The following TOX2 variants were observed in gnomAD, a reference collection of about 807,000 sequenced individuals.
TOX2 encodes the protein granulosa cell HMG box 1.
Under a neutral mutation model 47.4 loss-of-function variants are expected in TOX2, and 15 were observed. The observed-to-expected ratio is 0.32, with a 90% CI of 0.21 to 0.49. The LOEUF is 0.49. Among genes scored for constraint, TOX2 ranks in the 20% least tolerant of loss-of-function variants. TOX2 has a pLI of 0.99. For missense variants in TOX2, 622 were observed against 673.1 expected (o/e 0.92, Z 0.84); for synonymous variants, 290 against 296.6 (o/e 0.98, Z 0.23).
intron 3 of TOX2, chr20:44,007,305 A>C (rs559453737): frequency 3.8e-5 from 6 of 158,600 alleles, no homozygotes; most frequent in Non-Finnish European, 8.4e-5. Flanking sequence ...AAATGGGAGG[A>C]TCGCTTGAGC....
At position 44,066,083 on chromosome 20, in the gene TOX2, G is replaced by A. The variant is rs1238068624; in HGVS notation, c.1332G>A (p.Met444Ile). 12 of 1,564,174 alleles carry A rather than the reference G, an allele frequency of 7.7e-6. No individual in the cohort carries two copies. Among genetic ancestry groups the A allele is most frequent in the Non-Finnish European group, 1.0e-5 (12 of 1,155,248 alleles). The stretch of plus-strand genomic sequence containing the variant: ...TGGCACTCCAGGTGCAGCTGGCGAT[G>A]AGCCCCTCACCTCCAGGGCCACAGG... ...TPMALQVQLA[M>I]SPSPPGPQDF... The change falls in exon 7 of 9, where the codon ATG becomes ATA. Residue 444 changes from methionine (M) to isoleucine (I), a missense_variant. Around this residue, in one of 3 missense-constraint regions of TOX2, gnomAD observed 294 missense variants for 300.0 expected, o/e 0.98. Coordinates refer to ENST00000341197, the MANE Select transcript of TOX2 (RefSeq NM_001098797.2).
At chr20:43,989,850 T>C (rs1274596067) in intron 2 of TOX2, among the ~76,000 whole-genome samples, 1 of 151,816 alleles carries the variant, frequency 6.6e-6, no homozygotes, top group Non-Finnish European at 1.5e-5. Context: ...AGGAATCAAG[T>C]GTGGCTTCAT....
intron 3 of TOX2, 63 bp downstream of exon 3, chr20:44,006,855 G>A (rs1600729726): frequency 2.6e-6 from 4 of 1,550,812 alleles, no homozygotes; most frequent in Non-Finnish European, 3.5e-6. Flanking sequence ...TGAGAGGGAA[G>A]CAGAAGAATG....
rs1482888734 is a variant in TOX2 at position 43,916,484 on chromosome 20, C to T, written c.99+1494C>T. ...CGGTGGTGGGCGACAAGTGAGGTCT[C>T]GCGAAGAGTGGCGGTGGTTCTCTTT... is the stretch of plus-strand genomic sequence containing the variant. On this transcript the variant is annotated intron_variant, in intron 1 of 8. Transcript: ENST00000341197. The surrounding 1 kb of genome is among the most constrained non-coding windows in gnomAD (Gnocchi z 5.0). Among the ~76,000 whole-genome samples, 1 of 152,192 alleles carries T rather than the reference C, an allele frequency of 6.6e-6. No individual in the cohort carries two copies. The highest frequency in any genetic ancestry group is 2.4e-5 in the African/African-American group (1 of 41,448).
intron 5 of TOX2, among the ~76,000 whole-genome samples, chr20:44,057,736 A>G (rs188901560): frequency 1.0e-3 from 159 of 152,328 alleles, no homozygotes; most frequent in African/African-American, 3.4e-3. Context: ...CATTTATTCA[A>G]CTTATGATTC....
intron 1 of TOX2, among the ~76,000 whole-genome samples, chr20:43,949,751 C>T (rs904113631): frequency 6.6e-6 from 1 of 152,188 alleles, no homozygotes; most frequent in African/African-American, 2.4e-5. Context: ...TTGCCCCCAC[C>T]GTCTAGCCGC....
At chr20:44,016,515 G>A (rs575648001) in intron 3 of TOX2, among the ~76,000 whole-genome samples, 2 of 152,276 alleles carry the variant, frequency 1.3e-5, no homozygotes. Context: ...TGGGTGGGAT[G>A]ATTCTCTGTT....
intron 2 of TOX2, among the ~76,000 whole-genome samples, chr20:43,981,514 CTGTG>C (rs146430700): frequency 2.0e-5 from 3 of 151,986 alleles, no homozygotes; most frequent in African/African-American, 4.8e-5. Context: ...GCATGTACCT[CTGTG>C]TGTGTGTGCG....
At chr20:44,027,323 C>A in intron 3 of TOX2, among the ~76,000 whole-genome samples, 1 of 152,302 alleles carries the variant, frequency 6.6e-6, no homozygotes, top group East Asian at 1.9e-4. Context: ...GTCACCCTCC[C>A]CTCCTTCTTA....
At chr20:43,981,599 G>A (rs868864980) in intron 2 of TOX2, among the ~76,000 whole-genome samples, 1 of 152,246 alleles carries the variant, frequency 6.6e-6, no homozygotes, top group African/African-American at 2.4e-5. Context: ...TTATGTTTAG[G>A]GAGTTTTAAA....
At chr20:43,958,533 C>T (rs915607105) in intron 1 of TOX2, among the ~76,000 whole-genome samples, 3 of 152,344 alleles carry the variant, frequency 2.0e-5, no homozygotes, top group Admixed American at 1.3e-4. Context: ...TTTATCACCC[C>T]CCTCCAGGTG....
rs1491106040 is a variant in TOX2 at position 44,048,387 on chromosome 20, T to TA, written c.412-2919_412-2918insA. The stretch of plus-strand genomic sequence containing the variant: ...CATGTTAGTATCTGGATAAAATGAA[T>TA]TTATATATATATATATATATATATA... On this transcript the variant is annotated intron_variant, in intron 3 of 8. Transcript: ENST00000341197. 2.0e-3 allele frequency among the ~76,000 whole-genome samples: 197 copies of TA among 96,630 alleles called. 2 individuals carry two copies. The highest frequency in any genetic ancestry group is 7.4e-3 in the African/African-American group (174 of 23,390). 63.4% of individuals were successfully genotyped at this position (96,630 alleles called of 152,430 possible).
chr20:43,985,880 T>A (rs576441637), intron 2 of TOX2, among the ~76,000 whole-genome samples: 1 of 151,246 alleles, frequency 6.6e-6, no homozygotes, highest in African/African-American at 2.4e-5. Context: ...TTAAGAGGAG[T>A]GTGTGTCCAG....
chr20:44,039,137 C>A, intron 3 of TOX2: 1 of 1,255,732 alleles, frequency 8.0e-7, no homozygotes, highest in Non-Finnish European at 1.0e-6. Context: ...CGGGAGGCAA[C>A]GTGTGGAGAG....
intron 1 of TOX2, among the ~76,000 whole-genome samples, chr20:43,950,365 A>C (rs1000931549): frequency 2.0e-5 from 3 of 152,084 alleles, no homozygotes; most frequent in Non-Finnish European, 4.4e-5. Context: ...TGGCTCCCCA[A>C]CCACAGCATC....
At chr20:44,001,752 A>C (rs2070586941) in intron 2 of TOX2, among the ~76,000 whole-genome samples, 1 of 152,104 alleles carries the variant, frequency 6.6e-6, no homozygotes, top group Admixed American at 6.5e-5. Flanking sequence ...GTGTCGGTCA[A>C]AACACATGAA....
chr20:44,003,183 CTTT>C (rs376872679), intron 2 of TOX2, among the ~76,000 whole-genome samples: 8 of 133,118 alleles, frequency 6.0e-5, no homozygotes, highest in Admixed American at 7.7e-5. Flanking sequence ...GTACATTCAA[CTTT>C]TTTTTTTTTT....
At chr20:43,931,143 T>C (rs1157526702) in intron 1 of TOX2, among the ~76,000 whole-genome samples, 1 of 152,002 alleles carries the variant, frequency 6.6e-6, no homozygotes, top group African/African-American at 2.4e-5. Flanking sequence ...ATCTTTTATG[T>C]TTTTTTTCTT....
At chr20:44,022,173 G>T (rs2070986655) in intron 3 of TOX2, among the ~76,000 whole-genome samples, 1 of 152,206 alleles carries the variant, frequency 6.6e-6, no homozygotes, top group Non-Finnish European at 1.5e-5. Context: ...CTGTGCCCAT[G>T]GCCCTGCTGA....
Sources: allele counts gnomAD v4.1 joint callset (sites outside exome capture counted in the v4.1 genomes callset), GRCh38; gene constraint gnomAD v4.1.1; regional missense constraint gnomAD v4.1.1; non-coding constraint Gnocchi (gnomAD v3.1); transcripts MANE v1.5; gene names NCBI Gene and HGNC (gene_info 2026-07-23, HGNC 2026-07-21).